Variants in FUT8 observed in about 807,000 individuals in gnomAD.
FUT8 encodes alpha-(1,6)-fucosyltransferase.
A neutral mutation model predicts 71.3 loss-of-function variants in FUT8; 29 were observed. That is an observed-to-expected ratio of 0.41 (90% CI 0.30 to 0.55). The LOEUF (loss-of-function observed/expected upper bound fraction) is 0.55, where lower values mean the gene tolerates loss of function less well. FUT8 is among the 20% of genes least tolerant of loss of function. The probability of loss-of-function intolerance (pLI) is 0.34; values close to 1 mark genes in which losing one functional copy is unlikely to be tolerated. For synonymous variants in FUT8, 254 were observed against 239.3 expected (o/e 1.06, Z -0.57); for missense variants, 544 against 702.1 (o/e 0.77, Z 2.55).
At chr14:65,405,424 T>C in the FUT8 span, among the ~76,000 whole-genome samples, 1 of 152,240 alleles carries the variant, frequency 6.6e-6, no homozygotes, top group East Asian at 1.9e-4. Flanking sequence ...TAGTATCTTA[T>C]AAAAATTTGT....
chr14:65,697,400 G>A (rs1894047382), intron 7 of FUT8, among the ~76,000 whole-genome samples: 1 of 152,180 alleles, frequency 6.6e-6, no homozygotes, highest in Non-Finnish European at 1.5e-5. Context: ...GTGTTCCGTA[G>A]TAATATCATT....
chr14:65,707,485 G>A (rs893140244), intron 7 of FUT8, among the ~76,000 whole-genome samples: 4 of 151,940 alleles, frequency 2.6e-5, no homozygotes, highest in Admixed American at 6.6e-5. Flanking sequence ...TGTACAGAAC[G>A]TTTTATTTTG....
intron 3 of FUT8, among the ~76,000 whole-genome samples, chr14:65,568,452 G>A (rs906980861): frequency 6.7e-6 from 1 of 150,338 alleles, no homozygotes; most frequent in African/African-American, 2.4e-5. Context: ...GCTTTCAGTT[G>A]TATTCCATAA....
chr14:65,440,571 T>A (rs902346166), intron 1 of FUT8, among the ~76,000 whole-genome samples: 1 of 152,190 alleles, frequency 6.6e-6, no homozygotes, highest in East Asian at 1.9e-4. Context: ...GATTTAATCA[T>A]TCCACAGCGT....
At chr14:65,722,117 T>C in intron 8 of FUT8, 96 bp downstream of exon 8, 1 of 1,419,678 alleles carries the variant, frequency 7.0e-7, no homozygotes, top group Non-Finnish European at 9.5e-7. Flanking sequence ...TGTAGTTCAA[T>C]TTTTATAGTC....
At chr14:65,470,540 C>G (rs961925295) in intron 2 of FUT8, among the ~76,000 whole-genome samples, 2 of 152,212 alleles carry the variant, frequency 1.3e-5, no homozygotes, top group Non-Finnish European at 2.9e-5. Context: ...GGCTGGGATC[C>G]GGGGCAGGGG....
chr14:65,432,487 G>A (rs1204809968), intron 1 of FUT8, among the ~76,000 whole-genome samples: 1 of 149,562 alleles, frequency 6.7e-6, no homozygotes, highest in South Asian at 2.1e-4. Flanking sequence ...TCATTCGCTT[G>A]TCAAACTATC....
intron 7 of FUT8, among the ~76,000 whole-genome samples, chr14:65,708,224 G>C (rs990323016): frequency 7.2e-5 from 11 of 152,136 alleles, no homozygotes; most frequent in Non-Finnish European, 1.2e-4. Context: ...GGTTTTATCA[G>C]GGGCTCTTCC....
intron 2 of FUT8, among the ~76,000 whole-genome samples, chr14:65,476,671 TG>T (rs561933292): frequency 2.1e-5 from 2 of 97,502 alleles, no homozygotes; most frequent in Admixed American, 1.2e-4. Context: ...TTTTTTTTTT[TG>T]GCGACAGGGT....
intron 6 of FUT8, among the ~76,000 whole-genome samples, chr14:65,657,745 ATAAG>A (rs995963724): frequency 5.9e-5 from 9 of 152,098 alleles, no homozygotes; most frequent in African/African-American, 2.2e-4. Flanking sequence ...GAAAGAAAGA[ATAAG>A]AAAGAAAGAA....
At chr14:65,583,438 T>C (rs1009577053) in intron 3 of FUT8, among the ~76,000 whole-genome samples, 1 of 152,200 alleles carries the variant, frequency 6.6e-6, no homozygotes, top group Non-Finnish European at 1.5e-5. Flanking sequence ...CTCTGAAATT[T>C]TGCATTTTCA....
chr14:65,612,840 G>C (rs1278434743), intron 3 of FUT8, among the ~76,000 whole-genome samples: 1 of 152,158 alleles, frequency 6.6e-6, no homozygotes, highest in Admixed American at 6.5e-5. Flanking sequence ...AGTTGTTTCA[G>C]GCAGGATGGT....
chr14:65,619,099 T>C (rs942114895), intron 5 of FUT8, among the ~76,000 whole-genome samples: 4 of 152,124 alleles, frequency 2.6e-5, no homozygotes, highest in African/African-American at 9.7e-5. Context: ...CCACAGAGAT[T>C]TGGAGAATTA....
At chr14:65,668,188 A>G (rs1030261846) in intron 6 of FUT8, among the ~76,000 whole-genome samples, 1 of 152,214 alleles carries the variant, frequency 6.6e-6, no homozygotes, top group African/African-American at 2.4e-5. Flanking sequence ...TGAAGACGCC[A>G]AAAGCAGTTG....
At chr14:65,381,645 A>G in the FUT8 span, among the ~76,000 whole-genome samples, 1 of 151,984 alleles carries the variant, frequency 6.6e-6, no homozygotes, top group African/African-American at 2.4e-5. Context: ...GCTTGAGCTC[A>G]CTCAACTTTC....
rs1403021495 is a variant in FUT8, at chr14:65,607,791, CG to C, written c.204-8185del. 6.6e-6 allele frequency among the ~76,000 whole-genome samples: 1 copy of C among 151,682 alleles called. No individual in the cohort carries two copies. The highest frequency in any genetic ancestry group is 1.5e-5 in the Non-Finnish European group (1 of 67,860). ...AAAAATGCTAGAACCTGGCCAGGCACGGTAGCTCATGCCTGTAATCCCAGCA... is the reference window on the plus strand; with the variant it reads ...AAAAATGCTAGAACCTGGCCAGGCACGTAGCTCATGCCTGTAATCCCAGCA... On this transcript the variant is annotated intron_variant, in intron 3 of 10. Transcript: ENST00000673929. The surrounding 1 kb of genome is among the most constrained non-coding windows in gnomAD (Gnocchi z 4.1).
chr14:65,517,574 A>T (rs1882796150), intron 2 of FUT8, among the ~76,000 whole-genome samples: 2 of 152,210 alleles, frequency 1.3e-5, no homozygotes, highest in Non-Finnish European at 2.9e-5. Flanking sequence ...ATTCCATTCA[A>T]GCATAGCATT....
chr14:65,439,378 A>T (rs1463654508), intron 1 of FUT8, among the ~76,000 whole-genome samples: 3 of 152,318 alleles, frequency 2.0e-5, no homozygotes, highest in East Asian at 3.9e-4. Context: ...AGTCTTCCTC[A>T]GAGAATGGAC....
rs1490519495 is a variant in FUT8, at chr14:65,472,302, G to A, written c.-228+16584G>A. ...CAACCAGCTCTTGGGGGAACAAATA[G>A]AGTGAGACCTCAAGCATGCCTGAGG... On this transcript the variant is annotated intron_variant, in intron 2 of 10. Transcript: ENST00000673929. This position sits in a 1 kb window ranked among gnomAD's most constrained non-coding sequence, Gnocchi z 4.4. 2.6e-5 allele frequency among the ~76,000 whole-genome samples: 4 copies of A among 152,210 alleles called. No individual in the cohort carries two copies. In the South Asian group the frequency reaches 8.3e-4, roughly 32 times the overall value.
Sources: gnomAD v4.1 joint callset for allele counts (sites outside exome capture counted in the v4.1 genomes callset) on GRCh38, gnomAD v4.1.1 for gene constraint, Gnocchi (gnomAD v3.1) non-coding constraint, MANE v1.5 for transcripts, NCBI Gene and HGNC (gene_info 2026-07-23, HGNC 2026-07-21) for gene names.